CLASP1: variants seen among roughly 807,000 people sequenced by gnomAD.
CLASP1 encodes the protein cytoplasmic linker associated protein 1.
Under a neutral mutation model 192.3 loss-of-function variants are expected in CLASP1, and 38 were observed. The observed-to-expected ratio is 0.20, with a 90% CI of 0.15 to 0.26. The LOEUF is 0.26. CLASP1 is among the 10% of genes least tolerant of loss of function. The probability of loss-of-function intolerance (pLI) is 1.00; values close to 1 mark genes in which losing one functional copy is unlikely to be tolerated. For synonymous variants in CLASP1, 691 were observed against 712.8 expected (o/e 0.97, Z 0.49); for missense variants, 1,433 against 1,932.5 (o/e 0.74, Z 4.85).
intron 8 of CLASP1, among the ~76,000 whole-genome samples, chr2:121,494,768 C>T (rs1382881611): frequency 2.0e-5 from 3 of 152,232 alleles, no homozygotes; most frequent in Non-Finnish European, 4.4e-5. Flanking sequence ...TGCCTGTAAT[C>T]CCAGCACTTT....
At chr2:121,405,765 C>G (rs1364208870) in intron 25 of CLASP1, among the ~76,000 whole-genome samples, 1 of 152,334 alleles carries the variant, frequency 6.6e-6, no homozygotes, top group South Asian at 2.1e-4. Context: ...GACAAATCAT[C>G]TTCTATTTTT....
chr2:121,440,707 A>C (rs2083173465), intron 19 of CLASP1, among the ~76,000 whole-genome samples: 1 of 152,202 alleles, frequency 6.6e-6, no homozygotes, highest in Non-Finnish European at 1.5e-5. Flanking sequence ...CAATAAATAA[A>C]AATAAAGCAA....
At chr2:121,462,865 T>G (rs765181127) in intron 9 of CLASP1, among the ~76,000 whole-genome samples, 1 of 152,188 alleles carries the variant, frequency 6.6e-6, no homozygotes, top group African/African-American at 2.4e-5. Flanking sequence ...AGGGAGGGTA[T>G]GGGTTTTAAA....
chr2:121,384,886 A>AAATT (rs1166097222), intron 32 of CLASP1, among the ~76,000 whole-genome samples: 1 of 152,142 alleles, frequency 6.6e-6, no homozygotes, highest in Non-Finnish European at 1.5e-5. Flanking sequence ...ATCTCTAAAT[A>AAATT]AATTAATTAA....
intron 33 of CLASP1, among the ~76,000 whole-genome samples, chr2:121,381,527 G>C (rs2071656674): frequency 1.3e-5 from 2 of 152,140 alleles, no homozygotes; most frequent in Non-Finnish European, 2.9e-5. Context: ...CAGCATCTGA[G>C]GGAAGCCCAC....
chr2:121,630,091 T>C (rs2069199382), intron 1 of CLASP1, among the ~76,000 whole-genome samples: 1 of 152,000 alleles, frequency 6.6e-6, no homozygotes, highest in Admixed American at 6.5e-5. Context: ...CAGCTAACTT[T>C]ACATTTTTAG....
intron 1 of CLASP1, among the ~76,000 whole-genome samples, chr2:121,624,519 C>T (rs868175754): frequency 2.0e-4 from 30 of 152,284 alleles, no homozygotes; most frequent in Admixed American, 9.2e-4. Flanking sequence ...TGGGTCCAAG[C>T]TATTCTCCTG....
intron 22 of CLASP1, among the ~76,000 whole-genome samples, chr2:121,420,158 A>G (rs979890551): frequency 1.3e-5 from 2 of 152,096 alleles, no homozygotes; most frequent in African/African-American, 4.8e-5. Context: ...AAGCACAGGA[A>G]CGTAATCTCA....
intron 37 of CLASP1, among the ~76,000 whole-genome samples, chr2:121,356,862 G>A (rs942308502): frequency 2.0e-5 from 3 of 152,190 alleles, no homozygotes; most frequent in African/African-American, 7.2e-5. Flanking sequence ...ACTCTAAGGG[G>A]TAGAACTAGG....
At chr2:121,497,524 A>T (rs2093581204) in intron 8 of CLASP1, among the ~76,000 whole-genome samples, 1 of 152,238 alleles carries the variant, frequency 6.6e-6, no homozygotes, top group Non-Finnish European at 1.5e-5. Flanking sequence ...AAAAAATGTG[A>T]TATAGCTAAT....
At chr2:121,525,018 C>T (rs2094542941) in intron 6 of CLASP1, among the ~76,000 whole-genome samples, 1 of 152,116 alleles carries the variant, frequency 6.6e-6, no homozygotes, top group Non-Finnish European at 1.5e-5. Context: ...CCTGATACAA[C>T]CTCCTGGGAG....
exon 40 of CLASP1, chr2:121,338,408 G>A (rs2062514654): frequency 6.6e-6 from 1 of 152,382 alleles, no homozygotes. Flanking sequence ...CAGCCCCGCA[G>A]TGGAGCAGCG....
At chr2:121,610,883 C>CGGAGGAAGAGGAGTTACA (rs1329073709) in intron 1 of CLASP1, among the ~76,000 whole-genome samples, 494 of 27,008 alleles carry the variant, frequency 0.018, 1 homozygote, top group East Asian at 0.051. Flanking sequence ...GGAGAGCTGG[C>CGGAGGAAGAGGAGTTACA]GGAGGAAGAG....
chr2:121,601,986 C>T (rs918604852), intron 2 of CLASP1, among the ~76,000 whole-genome samples: 3 of 151,990 alleles, frequency 2.0e-5, no homozygotes, highest in Non-Finnish European at 4.4e-5. Context: ...ACCAGCCTGG[C>T]CAATGTAGTA....
chr2:121,594,057 G>A (rs2062792853), intron 2 of CLASP1, among the ~76,000 whole-genome samples: 2 of 151,942 alleles, frequency 1.3e-5, no homozygotes. Context: ...CCAACACTTT[G>A]GGAGGCCGAG....
chr2:121,508,740 C>A (rs958905987), intron 7 of CLASP1, among the ~76,000 whole-genome samples: 7 of 152,008 alleles, frequency 4.6e-5, no homozygotes, highest in African/African-American at 1.7e-4. Flanking sequence ...CACACCCAGT[C>A]TAAGAGACAC....
At chr2:121,533,994 A>C (rs1308515546) in intron 2 of CLASP1, among the ~76,000 whole-genome samples, 2 of 152,342 alleles carry the variant, frequency 1.3e-5, no homozygotes, top group South Asian at 4.1e-4. Context: ...ACTGGGACCA[A>C]CACTCCTGCC....
At chr2:121,435,729 G>A (rs1186437846) in intron 19 of CLASP1, among the ~76,000 whole-genome samples, 2 of 152,122 alleles carry the variant, frequency 1.3e-5, no homozygotes, top group Non-Finnish European at 2.9e-5. Flanking sequence ...CACTTTAGAG[G>A]AGATACAGTA....
At chr2:121,615,774 ACT>A (rs1022965820) in intron 1 of CLASP1, among the ~76,000 whole-genome samples, 5 of 152,164 alleles carry the variant, frequency 3.3e-5, no homozygotes, top group African/African-American at 1.2e-4. Context: ...ACAAAGCAAG[ACT>A]CTGTCTCAAA....
Sources: gnomAD v4.1 joint callset for allele counts (sites outside exome capture counted in the v4.1 genomes callset) on GRCh38, gnomAD v4.1.1 for gene constraint, MANE v1.5 for transcripts, NCBI Gene and HGNC (gene_info 2026-07-23, HGNC 2026-07-21) for gene names.